DENND5B: variants seen among roughly 807,000 people sequenced by gnomAD.
The protein encoded by DENND5B is DENN domain-containing protein 5B.
A neutral mutation model predicts 140.6 loss-of-function variants in DENND5B; 34 were observed. The observed-to-expected ratio is 0.24, with a 90% CI of 0.18 to 0.32. DENND5B has a LOEUF of 0.32. Among genes scored for constraint, DENND5B ranks in the 10% least tolerant of loss-of-function variants. The pLI is 1.00. For synonymous variants in DENND5B, 551 were observed against 562.1 expected, an observed-to-expected ratio of 0.98 and a Z score of 0.28; for missense variants, 1,142 against 1,560.2, an observed-to-expected ratio of 0.73 and a Z score of 4.52.
chr12:31,400,929 G>A (rs946055732), intron 15 of DENND5B, among the ~76,000 whole-genome samples: 1 of 147,958 alleles, frequency 6.8e-6, no homozygotes, highest in Non-Finnish European at 1.5e-5. Context: ...CACAACCTCC[G>A]CCTCCCGGAT....
chr12:31,442,812 G>A lies in DENND5B; in HGVS notation c.1975C>T (p.Gln659Ter). The part of the protein sequence containing the change: ...KYEQGFFPKL[Q>*]SDVLATGPTS... Reference sequence around the variant, plus strand: ...GGTCCTGTTGCCAAGACATCGGACTGTAACTTTGGAAAGAACCCCTGCTCA... The same window carrying A: ...GGTCCTGTTGCCAAGACATCGGACTATAACTTTGGAAAGAACCCCTGCTCA... Residue 659 changes from glutamine to a stop codon, truncating the protein, a stop_gained, in exon 7 of 21, where the codon CAG becomes TAG. Transcript: ENST00000389082. LOFTEE classifies it high-confidence loss of function. 1 of 1,613,732 alleles carries A rather than the reference G, an allele frequency of 6.2e-7. No homozygotes were observed.
At chr12:31,495,672 G>A (rs1042151724) in intron 2 of DENND5B, 138 bp downstream of exon 2, 15 of 729,048 alleles carry the variant, frequency 2.1e-5, no homozygotes, top group African/African-American at 3.6e-5. Context: ...CACCACACCC[G>A]GCCTCACATT....
At chr12:31,399,847 T>C in intron 15 of DENND5B, 75 bp from the exon 16 acceptor site, 1 of 1,107,402 alleles carries the variant, frequency 9.0e-7, no homozygotes, top group Non-Finnish European at 1.3e-6. Context: ...GGTACTTTGG[T>C]TCCGTCTAAT....
chr12:31,586,422 G>C (rs1185689654), intron 1 of DENND5B, among the ~76,000 whole-genome samples: 1 of 152,186 alleles, frequency 6.6e-6, no homozygotes, highest in Non-Finnish European at 1.5e-5. Context: ...GTACAGAAAG[G>C]ACGACAGGTA....
At chr12:31,571,628 T>G (rs28442194) in intron 1 of DENND5B, among the ~76,000 whole-genome samples, 1 of 146,548 alleles carries the variant, frequency 6.8e-6, no homozygotes, top group Non-Finnish European at 1.5e-5. Flanking sequence ...TTTTTTTTTT[T>G]GTTTTTTTGA....
At chr12:31,520,368 A>G (rs1020316047) in intron 1 of DENND5B, among the ~76,000 whole-genome samples, 1 of 152,232 alleles carries the variant, frequency 6.6e-6, no homozygotes, top group Admixed American at 6.5e-5. Flanking sequence ...CTTATAATGA[A>G]TTAAAATGAA....
At chr12:31,521,492 G>C (rs1037753267) in intron 1 of DENND5B, among the ~76,000 whole-genome samples, 1 of 151,620 alleles carries the variant, frequency 6.6e-6, no homozygotes, top group Non-Finnish European at 1.5e-5. Context: ...AACTGTACAG[G>C]GTTAAGTAAA....
At chr12:31,574,295 A>AATAATAATAATAAT (rs374578025) in intron 1 of DENND5B, among the ~76,000 whole-genome samples, 1 of 144,576 alleles carries the variant, frequency 6.9e-6, no homozygotes, top group East Asian at 2.1e-4. Flanking sequence ...TAATAATAAT[A>AATAATAATAATAAT]ATTTAAAAGG....
chr12:31,446,001 C>A (rs1251861876), intron 6 of DENND5B, among the ~76,000 whole-genome samples: 2 of 147,220 alleles, frequency 1.4e-5, no homozygotes, highest in East Asian at 4.0e-4. Flanking sequence ...AAGTGAGACC[C>A]TGTCTCAAAA....
At chr12:31,399,850 C>A in intron 15 of DENND5B, 78 bp from the exon 16 acceptor site, 1 of 1,089,318 alleles carries the variant, frequency 9.2e-7, no homozygotes. Flanking sequence ...ACTTTGGTTC[C>A]GTCTAATTTA....
At chr12:31,416,178 A>C (rs1006016385) in intron 11 of DENND5B, among the ~76,000 whole-genome samples, 5 of 152,040 alleles carry the variant, frequency 3.3e-5, no homozygotes, top group Admixed American at 6.6e-5. Flanking sequence ...TGCTTTTGGA[A>C]ATTTTAAATG....
intron 2 of DENND5B, among the ~76,000 whole-genome samples, chr12:31,482,546 A>C (rs1946107112): frequency 6.6e-6 from 1 of 152,118 alleles, no homozygotes; most frequent in South Asian, 2.1e-4. Flanking sequence ...CTATCTTCAA[A>C]AATACATGCA....
intron 3 of DENND5B, 39 bp from the exon 4 acceptor site, chr12:31,460,420 GT>G (rs758544973): frequency 1.9e-6 from 3 of 1,564,298 alleles, no homozygotes; most frequent in Admixed American, 1.8e-5. Flanking sequence ...AAGAGTCCAA[GT>G]AAAAACACAA....
chr12:31,506,485 G>A (rs1947206583), intron 1 of DENND5B: 1 of 152,102 alleles, frequency 6.6e-6, no homozygotes, highest in Non-Finnish European at 1.5e-5. Flanking sequence ...AATCTCAACT[G>A]AGTGTACTGC....
intron 4 of DENND5B, among the ~76,000 whole-genome samples, chr12:31,459,437 G>C (rs1944920339): frequency 6.6e-6 from 1 of 152,056 alleles, no homozygotes; most frequent in African/African-American, 2.4e-5. Context: ...CTACAGGTGT[G>C]TGCCACCATG....
intron 1 of DENND5B, among the ~76,000 whole-genome samples, chr12:31,556,804 C>G (rs532544710): frequency 1.3e-5 from 2 of 152,166 alleles, no homozygotes; most frequent in South Asian, 4.2e-4. Flanking sequence ...TATATTCCTT[C>G]AAGAATACTA....
chr12:31,573,015 A>G (rs546743208), intron 1 of DENND5B, among the ~76,000 whole-genome samples: 3 of 152,334 alleles, frequency 2.0e-5, no homozygotes, highest in Non-Finnish European at 4.4e-5. Context: ...AGGACCTTAA[A>G]GCTTTATATG....
chr12:31,438,913 T>C (rs1943904139), intron 7 of DENND5B, among the ~76,000 whole-genome samples: 1 of 152,152 alleles, frequency 6.6e-6, no homozygotes, highest in Non-Finnish European at 1.5e-5. Flanking sequence ...GGCATAAAAC[T>C]GTGTCTTTGG....
chr12:31,512,406 A>G (rs1254822408), intron 1 of DENND5B, among the ~76,000 whole-genome samples: 78 of 120,562 alleles, frequency 6.5e-4, no homozygotes, highest in Admixed American at 1.4e-3. Flanking sequence ...TTTTTTTTTA[A>G]TTTTTAGTAG....
Sources: gnomAD v4.1 joint callset for allele counts (sites outside exome capture counted in the v4.1 genomes callset) on GRCh38, gnomAD v4.1.1 for gene constraint, MANE v1.5 for transcripts, NCBI Gene and HGNC (gene_info 2026-07-23, HGNC 2026-07-21) for gene names.